GABRA3: variants seen among roughly 807,000 people sequenced by gnomAD.
The protein encoded by GABRA3 is gamma-aminobutyric acid type A receptor subunit alpha3, also known as gamma-aminobutyric acid receptor subunit alpha-3.
Under a neutral mutation model 30.1 loss-of-function variants are expected in GABRA3, and 10 were observed. That is an observed-to-expected ratio of 0.33 (90% CI 0.20 to 0.56). The LOEUF is 0.56. Among genes scored for constraint, GABRA3 ranks in the 20% least tolerant of loss-of-function variants. The pLI is 0.89. For missense variants in GABRA3, 233 were observed against 392.0 expected (o/e 0.59, Z 3.42); for synonymous variants, 151 against 146.8 (o/e 1.03, Z -0.21).
chrX:152,438,105 C>T (rs181022154), intron 1 of GABRA3, among the ~76,000 whole-genome samples: 156 of 111,737 alleles, frequency 1.4e-3, no homozygotes, highest in Non-Finnish European at 2.5e-3. Flanking sequence ...ATAAAGGACT[C>T]TTACACTGAA....
chrX:152,314,016 A>G (rs1277075261), intron 3 of GABRA3, among the ~76,000 whole-genome samples: 1 of 111,574 alleles, frequency 9.0e-6, no homozygotes, highest in Non-Finnish European at 1.9e-5. Context: ...CCAGGATGCA[A>G]TGAGTCCCAG....
intron 4 of GABRA3, among the ~76,000 whole-genome samples, chrX:152,264,071 G>A (rs773177671): frequency 9.0e-6 from 1 of 111,609 alleles, no homozygotes; most frequent in East Asian, 2.8e-4. Flanking sequence ...TGCCCTATAG[G>A]AAATGCTAAG....
At chrX:152,310,563 G>A (rs1351360753) in intron 3 of GABRA3, among the ~76,000 whole-genome samples, 1 of 111,385 alleles carries the variant, frequency 9.0e-6, no homozygotes, top group African/African-American at 3.3e-5. Flanking sequence ...CTAAAGCAGT[G>A]TTAATAGGAA....
At chrX:152,251,815 T>C (rs1938559526) in intron 5 of GABRA3, among the ~76,000 whole-genome samples, 1 of 111,132 alleles carries the variant, frequency 9.0e-6, no homozygotes, top group Non-Finnish European at 1.9e-5. Flanking sequence ...CAAATTCTCC[T>C]TGATATATGA....
chrX:152,267,375 G>T (rs1410696019), intron 4 of GABRA3, among the ~76,000 whole-genome samples: 2 of 111,733 alleles, frequency 1.8e-5, no homozygotes, highest in Admixed American at 1.9e-4. Flanking sequence ...CTTGATTATG[G>T]TGAATAAACT....
intron 1 of GABRA3, among the ~76,000 whole-genome samples, chrX:152,422,615 T>C (rs1257850448): frequency 9.0e-6 from 1 of 111,588 alleles, no homozygotes; most frequent in Non-Finnish European, 1.9e-5. Context: ...AATGGAAATA[T>C]AGCACGTTTC....
chrX:152,399,940 C>CA (rs1182756018), intron 1 of GABRA3, among the ~76,000 whole-genome samples: 7 of 111,007 alleles, frequency 6.3e-5, no homozygotes, highest in Non-Finnish European at 1.9e-5. Flanking sequence ...ATCAGACAGA[C>CA]AAACACCACC....
At chrX:152,228,112 G>A (rs1176561657) in intron 5 of GABRA3, among the ~76,000 whole-genome samples, 3 of 111,604 alleles carry the variant, frequency 2.7e-5, no homozygotes, top group Non-Finnish European at 3.8e-5. Flanking sequence ...CATTGACACA[G>A]GGCAAGAGTT....
chrX:152,232,642 T>C (rs1415642165), intron 5 of GABRA3, among the ~76,000 whole-genome samples: 1 of 108,741 alleles, frequency 9.2e-6, no homozygotes, highest in East Asian at 2.9e-4. Flanking sequence ...TGTGTGTGTA[T>C]ATATGTAACA....
chrX:152,182,603 T>C (rs374046637), intron 9 of GABRA3, among the ~76,000 whole-genome samples: 30 of 11,477 alleles, frequency 2.6e-3, no homozygotes, highest in Admixed American at 0.012. Context: ...ACACTATATA[T>C]ACTATATATG....
chrX:152,435,805 T>G (rs1216871247), intron 1 of GABRA3, among the ~76,000 whole-genome samples: 1 of 111,158 alleles, frequency 9.0e-6, no homozygotes, highest in Non-Finnish European at 1.9e-5. Flanking sequence ...CTACTAGAAC[T>G]AGTAATTAAG....
At chrX:152,216,204 C>T (rs1227878152) in intron 6 of GABRA3, among the ~76,000 whole-genome samples, 3 of 110,146 alleles carry the variant, frequency 2.7e-5, no homozygotes, top group Non-Finnish European at 5.7e-5. Context: ...AATTAAAAAC[C>T]GAATTACCAT....
intron 1 of GABRA3, among the ~76,000 whole-genome samples, chrX:152,372,471 A>G (rs564902151): frequency 8.9e-6 from 1 of 112,073 alleles, no homozygotes; most frequent in South Asian, 3.7e-4. Context: ...TATGGGATAT[A>G]TAACTACACA....
At chrX:152,381,335 G>A (rs1419208119) in intron 1 of GABRA3, among the ~76,000 whole-genome samples, 18 of 111,370 alleles carry the variant, frequency 1.6e-4, no homozygotes. Context: ...TCATGTACTT[G>A]TTTGCCATTT....
intron 4 of GABRA3, among the ~76,000 whole-genome samples, chrX:152,284,414 C>A (rs1447103190): frequency 9.0e-6 from 1 of 111,094 alleles, no homozygotes; most frequent in East Asian, 2.8e-4. Context: ...GGGAACCAAA[C>A]AAACTTTTGA....
At chrX:152,293,051 T>C in intron 3 of GABRA3, among the ~76,000 whole-genome samples, 1 of 111,580 alleles carries the variant, frequency 9.0e-6, no homozygotes, top group Middle Eastern at 4.6e-3. Flanking sequence ...GAGAGTTCTG[T>C]AGATGTCTAT....
intron 8 of GABRA3, among the ~76,000 whole-genome samples, chrX:152,194,971 G>C (rs1316497705): frequency 9.0e-6 from 1 of 111,071 alleles, no homozygotes; most frequent in Non-Finnish European, 1.9e-5. Flanking sequence ...TGTTTCCCAG[G>C]CTGGTCTTGA....
At chrX:152,330,339 C>A (rs1402694044) in intron 3 of GABRA3, among the ~76,000 whole-genome samples, 1 of 111,536 alleles carries the variant, frequency 9.0e-6, no homozygotes, top group African/African-American at 3.3e-5. Context: ...CCCAGCCATC[C>A]CATTACTGGG....
intron 3 of GABRA3, among the ~76,000 whole-genome samples, chrX:152,321,884 T>G (rs927295909): frequency 3.7e-5 from 4 of 108,547 alleles, no homozygotes; most frequent in African/African-American, 1.3e-4. Context: ...TCCTCTCTTC[T>G]CCCCGCCACT....
Sources: allele counts gnomAD v4.1 joint callset (sites outside exome capture counted in the v4.1 genomes callset), GRCh38; gene constraint gnomAD v4.1.1; transcripts MANE v1.5; gene names NCBI Gene and HGNC (gene_info 2026-07-23, HGNC 2026-07-21).